The following SLC1A5 variants were observed in gnomAD, a reference collection of about 807,000 sequenced individuals.
The protein encoded by SLC1A5 is solute carrier family 1 member 5, also known as neutral amino acid transporter B(0).
Under a neutral mutation model 34.9 loss-of-function variants are expected in SLC1A5, and 25 were observed. The observed-to-expected ratio is 0.72, with a 90% CI of 0.52 to 1.00. SLC1A5 has a LOEUF of 1.00. Among genes scored for constraint, SLC1A5 ranks in the 50% least tolerant of loss-of-function variants. The probability of loss-of-function intolerance (pLI) is 0.00; values close to 1 mark genes in which losing one functional copy is unlikely to be tolerated. For missense variants in SLC1A5, 637 were observed against 740.0 expected (o/e 0.86, Z 1.61); for synonymous variants, 351 against 341.2 (o/e 1.03, Z -0.32).
chr19:46,783,264 GA>G lies in SLC1A5; in HGVS notation c.658-716del, dbSNP rs1599733847. Among the ~76,000 whole-genome samples the G allele has an allele frequency of 2.6e-5, 4 of 152,012 alleles. No homozygotes were observed. The East Asian group carries it at 7.7e-4, about 29-fold the overall frequency. On this transcript the variant is annotated intron_variant, in intron 3 of 7. Transcript: ENST00000542575. ...AGATCACCTGAGGTGGGGAGTTCCA[GA>G]CCACACTGACCAACATGGAGAAACC...
chr19:46,780,874 G>C (rs2055140745), intron 4 of SLC1A5, among the ~76,000 whole-genome samples: 1 of 152,096 alleles, frequency 6.6e-6, no homozygotes, highest in Admixed American at 6.6e-5. Flanking sequence ...AGGAGGCTGA[G>C]GCAGGAGAAT....
chr19:46,780,323 G>A (rs2055135954), intron 4 of SLC1A5, among the ~76,000 whole-genome samples: 1 of 151,974 alleles, frequency 6.6e-6, no homozygotes, highest in South Asian at 2.1e-4. Flanking sequence ...GCAACAGAGC[G>A]AGATCCTAGT....
chr19:46,783,970 C>T, intron 3 of SLC1A5, 127 bp downstream of exon 3: 1 of 730,472 alleles, frequency 1.4e-6, no homozygotes, highest in Non-Finnish European at 2.4e-6. Context: ...GCAGAAAAGA[C>T]AGAAATTGGG....
intron 4 of SLC1A5, among the ~76,000 whole-genome samples, chr19:46,779,180 T>TCGGGAGACTGAAGCAGGAGAATCTC: frequency 6.6e-6 from 1 of 151,476 alleles, no homozygotes; most frequent in Non-Finnish European, 1.5e-5. Context: ...ATCCCAGCAC[T>TCGGGAGACTGAAGCAGGAGAATCTC]TTGGGAGGCT....
chr19:46,783,149 T>C (rs966079654), intron 3 of SLC1A5, among the ~76,000 whole-genome samples: 1 of 152,058 alleles, frequency 6.6e-6, no homozygotes, highest in Non-Finnish European at 1.5e-5. Context: ...ACTGCAGAGA[T>C]AGGGTCACAT....
chr19:46,784,165 A>G (rs1182016855), intron 2 of SLC1A5, 21 bp from the exon 3 acceptor site: 1 of 1,600,712 alleles, frequency 6.2e-7, no homozygotes, highest in Non-Finnish European at 8.6e-7. Flanking sequence ...GGTTGGGAAG[A>G]GTCAGTGTCC....
In SLC1A5 at chr19:46,787,157, C is replaced by A. The variant is rs1330420400; in HGVS notation, c.566+243G>T. On this transcript the variant is annotated intron_variant, in intron 1 of 7. Coordinates refer to ENST00000542575, the MANE Select transcript of SLC1A5 (RefSeq NM_005628.3). This position sits in a 1 kb window ranked among gnomAD's most constrained non-coding sequence, Gnocchi z 5.2. ...GACCCTCCTATGTCTCCCCAAATCACTTTCTTCTCCCTCTATAAGACCCCA... is the reference window on the plus strand; with the variant it reads ...GACCCTCCTATGTCTCCCCAAATCAATTTCTTCTCCCTCTATAAGACCCCA... 7.4e-6 allele frequency: 9 copies of A among 1,215,610 alleles called. No homozygotes were observed. Among genetic ancestry groups the A allele is most frequent in the Non-Finnish European group, 9.7e-6 (9 of 928,596 alleles). The allele number at this position is 1,215,610 out of a possible 1,614,324, so 75.3% of individuals were successfully genotyped here.
chr19:46,777,790 C>CCCACAT (rs1344938815), intron 5 of SLC1A5, among the ~76,000 whole-genome samples: 11 of 151,364 alleles, frequency 7.3e-5, no homozygotes, highest in African/African-American at 2.7e-4. Flanking sequence ...GCCCAAGGCC[C>CCCACAT]CCACATCTAA....
In SLC1A5 at chr19:46,777,300, G is replaced by A. The variant is rs1315764733; in HGVS notation, c.1164C>T (p.Asp388=). 4 of 1,613,678 alleles carry A rather than the reference G, an allele frequency of 2.5e-6. No homozygotes were observed. Among genetic ancestry groups the A allele is most frequent in the East Asian group, 2.2e-5 (1 of 44,890 alleles). The change falls in exon 6 of 8, where the codon GAC becomes GAT. Residue 388 remains aspartate (D), a synonymous_variant. Coordinates refer to ENST00000542575, the MANE Select transcript of SLC1A5 (RefSeq NM_005628.3). ...ILPIGATVNM[D]GAALFQCVAA... is the part of the protein sequence containing the mutation. ...CCACGCACTGGAAGAGCGCGGCACCGTCCATGTTGACGGTGGCGCCGATGG... is the reference window on the plus strand; with the variant it reads ...CCACGCACTGGAAGAGCGCGGCACCATCCATGTTGACGGTGGCGCCGATGG...
intron 4 of SLC1A5, among the ~76,000 whole-genome samples, chr19:46,781,220 C>T (rs1384799159): frequency 2.6e-5 from 4 of 152,170 alleles, no homozygotes; most frequent in Non-Finnish European, 4.4e-5. Flanking sequence ...AAGCTTTTTA[C>T]AGACAATAAG....
rs2055195736 is a variant in SLC1A5 at position 46,787,565 on chromosome 19, AAG to A, written c.399_400del (p.Phe135ProfsTer74). On this transcript the variant is annotated frameshift_variant, in exon 1 of 8. Transcript: ENST00000542575. LOFTEE classifies it high-confidence loss of function. This position sits in a 1 kb window ranked among gnomAD's most constrained non-coding sequence, Gnocchi z 5.2. Reference sequence around the variant, plus strand: ...CGCCAGCAGCGTGGTGACCAGGAAAAAGAGCAGCGCCCAGGCGCCCAGACGGC... The same window carrying A: ...CGCCAGCAGCGTGGTGACCAGGAAAAAGCAGCGCCCAGGCGCCCAGACGGC... The A allele has an allele frequency of 2.5e-6, 4 of 1,569,476 alleles. No individual in the cohort carries two copies. Among genetic ancestry groups the A allele is most frequent in the South Asian group, 1.2e-5 (1 of 86,534 alleles).
At chr19:46,782,360 CA>C in intron 4 of SLC1A5, 22 bp downstream of exon 4, 1 of 1,332,698 alleles carries the variant, frequency 7.5e-7, no homozygotes, top group Non-Finnish European at 1.1e-6. Flanking sequence ...CACCCACCCC[CA>C]GCCTCCTCTC....
In SLC1A5 at chr19:46,788,335, C is replaced by T. The variant is rs2055201510; in HGVS notation, c.-370G>A. Reference sequence around the variant, plus strand: ...AGTGCCCCCAGATGGCGGAGGTCTGCAGGAGGCTAGGTTCTGGTGGCGCAG... The same window carrying T: ...AGTGCCCCCAGATGGCGGAGGTCTGTAGGAGGCTAGGTTCTGGTGGCGCAG... On this transcript the variant is annotated 5_prime_UTR_variant, in exon 1 of 8. Transcript: ENST00000542575. 1 of 213,470 alleles carries T rather than the reference C, an allele frequency of 4.7e-6. No individual in the cohort carries two copies. Among genetic ancestry groups the T allele is most frequent in the African/African-American group, 2.3e-5 (1 of 43,626 alleles). The allele number at this position is 213,470 out of a possible 1,614,324, so 13.2% of individuals were successfully genotyped here.
chr19:46,778,274 C>CA (rs200181565), intron 5 of SLC1A5, among the ~76,000 whole-genome samples: 2,317 of 152,222 alleles, frequency 0.015, 26 homozygotes, highest in Middle Eastern at 0.031. Flanking sequence ...ACTAAAAACA[C>CA]AAAAATTAGC....
chr19:46,775,271 T>C lies in SLC1A5; in HGVS notation c.*239A>G, dbSNP rs1483840485. On this transcript the variant is annotated 3_prime_UTR_variant, in exon 8 of 8. Coordinates refer to ENST00000542575, the MANE Select transcript of SLC1A5 (RefSeq NM_005628.3). ...ACATTATTTCTCCATCTTGCTGTTT[T>C]CTAGCCTTGAGTTGGGGACATGAGT... The C allele has an allele frequency of 1.6e-6, 2 of 1,264,650 alleles. No individual in the cohort carries two copies. The highest frequency in any genetic ancestry group is 2.0e-6 in the Non-Finnish European group (2 of 1,001,746). The allele number at this position is 1,264,650 out of a possible 1,614,324, so 78.3% of individuals were successfully genotyped here.
At chr19:46,782,346 A>G in intron 4 of SLC1A5, 37 bp downstream of exon 4, 14 of 567,960 alleles carry the variant, frequency 2.5e-5, no homozygotes, top group East Asian at 7.2e-5. Flanking sequence ...CGACCCTCCA[A>G]CCCCACCCAC....
chr19:46,775,848 C>T, intron 7 of SLC1A5, 101 bp from the exon 8 acceptor site: 1 of 1,276,140 alleles, frequency 7.8e-7, no homozygotes, highest in Non-Finnish European at 1.0e-6. Context: ...CCCCTGGAAT[C>T]TAAAAAGTAA....
At chr19:46,784,913 C>A (rs778982559) in intron 1 of SLC1A5, 6 of 1,250,184 alleles carry the variant, frequency 4.8e-6, no homozygotes, top group African/African-American at 3.1e-5. Context: ...CTTGCATCAG[C>A]CACTTCCTCC....
intron 4 of SLC1A5, among the ~76,000 whole-genome samples, chr19:46,781,459 A>G (rs1251273764): frequency 2.0e-5 from 3 of 152,138 alleles, no homozygotes; most frequent in East Asian, 1.9e-4. Context: ...TTAGCCGGGC[A>G]TGGTGGCGCA....
Sources: allele counts gnomAD v4.1 joint callset (sites outside exome capture counted in the v4.1 genomes callset), GRCh38; gene constraint gnomAD v4.1.1; non-coding constraint Gnocchi (gnomAD v3.1); transcripts MANE v1.5; gene names NCBI Gene and HGNC (gene_info 2026-07-23, HGNC 2026-07-21).